CDS2: variants seen among roughly 807,000 people sequenced by gnomAD.
The protein encoded by CDS2 is CDP-diacylglycerol synthase 2, also known as phosphatidate cytidylyltransferase 2.
A neutral mutation model predicts 59.0 loss-of-function variants in CDS2; 47 were observed. The ratio of observed to expected loss-of-function variants is 0.80; its 90% CI spans 0.63 to 1.02. The LOEUF is 1.02. Among genes scored for constraint, CDS2 ranks in the 50% least tolerant of loss-of-function variants. The probability of loss-of-function intolerance (pLI) is 0.00; values close to 1 mark genes in which losing one functional copy is unlikely to be tolerated. For synonymous variants in CDS2, 207 were observed against 206.4 expected (o/e 1.00, Z -0.02); for missense variants, 356 against 558.9 (o/e 0.64, Z 3.66).
intron 1 of CDS2, among the ~76,000 whole-genome samples, chr20:5,169,366 C>T (rs893531137): frequency 5.3e-5 from 8 of 152,218 alleles, no homozygotes; most frequent in African/African-American, 1.4e-4. Flanking sequence ...TGGTCTGGTC[C>T]TGCTGCCAGG....
At chr20:5,146,056 C>T (rs895242138) in intron 1 of CDS2, among the ~76,000 whole-genome samples, 2 of 152,040 alleles carry the variant, frequency 1.3e-5, no homozygotes, top group African/African-American at 2.4e-5. Flanking sequence ...CTCCTGGGCT[C>T]AAGTGATCCT....
chr20:5,138,522 G>T (rs1355080769), intron 1 of CDS2, among the ~76,000 whole-genome samples: 2 of 151,748 alleles, frequency 1.3e-5, no homozygotes, highest in Non-Finnish European at 1.5e-5. Context: ...TTTTGCTCTT[G>T]TCACCCAGGC....
At chr20:5,182,572 C>A in intron 6 of CDS2, 127 bp downstream of exon 6, 1 of 759,732 alleles carries the variant, frequency 1.3e-6, no homozygotes, top group Non-Finnish European at 2.1e-6. Flanking sequence ...ATGTATGCAT[C>A]TAGAGCATGA....
intron 1 of CDS2, among the ~76,000 whole-genome samples, chr20:5,159,395 C>T (rs1333736884): frequency 7.1e-5 from 10 of 140,566 alleles, no homozygotes; most frequent in African/African-American, 2.7e-4. Context: ...AACAGAGAAG[C>T]ATCAAAAAAT....
chr20:5,141,905 C>A (rs938998828), intron 1 of CDS2, among the ~76,000 whole-genome samples: 9 of 147,998 alleles, frequency 6.1e-5, no homozygotes, highest in Admixed American at 1.3e-4. Flanking sequence ...AGTGTGAGAA[C>A]AGAGGGAAAA....
At chr20:5,185,639 A>T in intron 8 of CDS2, 119 bp from the exon 9 acceptor site, 1 of 815,654 alleles carries the variant, frequency 1.2e-6, no homozygotes, top group Non-Finnish European at 2.0e-6. Context: ...GAGCTTTAAA[A>T]GGTGACATGG....
chr20:5,168,103 G>C (rs1159420968), intron 1 of CDS2, among the ~76,000 whole-genome samples: 1 of 152,072 alleles, frequency 6.6e-6, no homozygotes, highest in Non-Finnish European at 1.5e-5. Context: ...CCAGAGCTGA[G>C]TCATTATCTG....
chr20:5,172,959 G>A (rs2090967188), intron 1 of CDS2, among the ~76,000 whole-genome samples: 1 of 152,194 alleles, frequency 6.6e-6, no homozygotes, highest in African/African-American at 2.4e-5. Context: ...AAGGACTGAG[G>A]TGCACCAGTC....
At chr20:5,141,585 C>T (rs1182246242) in intron 1 of CDS2, among the ~76,000 whole-genome samples, 3 of 152,046 alleles carry the variant, frequency 2.0e-5, no homozygotes, top group African/African-American at 7.2e-5. Flanking sequence ...ATCCAATATG[C>T]AAATATTGTA....
At chr20:5,186,588 A>G in intron 9 of CDS2, 99 bp from the exon 10 acceptor site, 2 of 1,147,934 alleles carry the variant, frequency 1.7e-6, no homozygotes, top group Non-Finnish European at 2.6e-6. Context: ...TTAGCAGGGT[A>G]CTAGGCACCC....
chr20:5,144,557 A>G (rs2090723790), intron 1 of CDS2, among the ~76,000 whole-genome samples: 1 of 152,206 alleles, frequency 6.6e-6, no homozygotes, highest in South Asian at 2.1e-4. Context: ...TTTGGAGACT[A>G]CATATCTCTT....
At chr20:5,176,810 C>G in intron 4 of CDS2, 65 bp downstream of exon 4, 1 of 1,096,450 alleles carries the variant, frequency 9.1e-7, no homozygotes, top group Non-Finnish European at 1.4e-6. Flanking sequence ...CAGGTACTTA[C>G]AGTGACGGTG....
At chr20:5,128,965 T>C (rs1294598506) in intron 1 of CDS2, among the ~76,000 whole-genome samples, 1 of 152,222 alleles carries the variant, frequency 6.6e-6, no homozygotes, top group Admixed American at 6.5e-5. Context: ...ATAAAGATTC[T>C]ACCCTCCTTC....
chr20:5,186,769 G>C lies in CDS2; in HGVS notation c.911G>C (p.Cys304Ser). Residue 304 changes from cysteine (C) to serine (S), a missense_variant, in exon 10 of 13, where the codon TGT becomes TCT. Transcript: ENST00000460006. ...GACACCAACAGCTTCACTGTGGACT[G>C]TGAGCCCTCGGACCTGTTTCGCCTG... is the stretch of plus-strand genomic sequence containing the variant. ...NNDTNSFTVD[C>S]EPSDLFRLQE... 6.2e-7 allele frequency: 1 copy of C among 1,614,190 alleles called. No homozygotes were observed. The highest frequency in any genetic ancestry group is 2.2e-5 in the East Asian group (1 of 44,878).
intron 1 of CDS2, among the ~76,000 whole-genome samples, chr20:5,143,030 A>C (rs2090708187): frequency 1.3e-5 from 2 of 151,960 alleles, no homozygotes; most frequent in South Asian, 4.2e-4. Context: ...TTTTTGTAGA[A>C]ACAGAGTCTC....
At chr20:5,143,017 A>AT (rs901748229) in intron 1 of CDS2, among the ~76,000 whole-genome samples, 1 of 151,836 alleles carries the variant, frequency 6.6e-6, no homozygotes, top group Non-Finnish European at 1.5e-5. Context: ...TAATTTTTGT[A>AT]TTTTTTTGTA....
Position 5,164,460 on chromosome 20 carries a change from G to A in CDS2, c.58-9063G>A, listed in dbSNP as rs79881570. The stretch of plus-strand genomic sequence containing the variant: ...GCGATTTATGATTTAGGGGCTCGTC[G>A]CATGTGGAGCCCAGCAGCTGTCCTG... On this transcript the variant is annotated intron_variant, in intron 1 of 12. Transcript: ENST00000460006. Among the ~76,000 whole-genome samples, 1,366 of 152,106 alleles carry A rather than the reference G, an allele frequency of 9.0e-3. 23 individuals carry two copies. The highest frequency in any genetic ancestry group is 0.029 in the African/African-American group (1,209 of 41,474).
At chr20:5,163,195 A>G (rs555291014) in intron 1 of CDS2, among the ~76,000 whole-genome samples, 2 of 152,292 alleles carry the variant, frequency 1.3e-5, no homozygotes, top group East Asian at 3.9e-4. Context: ...ACTGGTTTTC[A>G]AAAAAAGATT....
intron 1 of CDS2, among the ~76,000 whole-genome samples, chr20:5,160,260 A>G (rs980768698): frequency 7.9e-5 from 12 of 152,198 alleles, no homozygotes; most frequent in Non-Finnish European, 1.8e-4. Flanking sequence ...GCAACTACTT[A>G]ACACTTCATA....
Sources: allele counts gnomAD v4.1 joint callset (sites outside exome capture counted in the v4.1 genomes callset), GRCh38; gene constraint gnomAD v4.1.1; transcripts MANE v1.5; gene names NCBI Gene and HGNC (gene_info 2026-07-23, HGNC 2026-07-21).